CSMD2: variants seen among roughly 807,000 people sequenced by gnomAD.
CSMD2 encodes the protein CUB and sushi domain-containing protein 2.
In CSMD2, 130 loss-of-function variants were observed where a neutral mutation model predicts 398.5. That is an observed-to-expected ratio of 0.33 (90% CI 0.28 to 0.38). The LOEUF (loss-of-function observed/expected upper bound fraction) is 0.38. Ranked by LOEUF, CSMD2 falls within the 10% of genes least tolerant of loss-of-function variation. The pLI, the probability that CSMD2 is intolerant of heterozygous loss-of-function variation, is 1.00. For synonymous variants in CSMD2, 1,828 were observed against 1,908.5 expected, an observed-to-expected ratio of 0.96 and a Z score of 1.10; for missense variants, 3,829 against 4,764.9, an observed-to-expected ratio of 0.80 and a Z score of 5.78.
intron 5 of CSMD2, among the ~76,000 whole-genome samples, chr1:33,891,548 G>A (rs969335527): frequency 6.6e-6 from 1 of 151,436 alleles, no homozygotes; most frequent in African/African-American, 2.4e-5. Flanking sequence ...CTCATTACTG[G>A]GTATATACCC....
At chr1:33,971,855 C>A (rs1012078863) in intron 3 of CSMD2, among the ~76,000 whole-genome samples, 1 of 152,190 alleles carries the variant, frequency 6.6e-6, no homozygotes, top group African/African-American at 2.4e-5. Flanking sequence ...TCCTGTAAGT[C>A]TTCCAAAGAG....
intron 2 of CSMD2, among the ~76,000 whole-genome samples, chr1:34,046,771 C>T (rs963404074): frequency 6.6e-6 from 1 of 152,150 alleles, no homozygotes; most frequent in Non-Finnish European, 1.5e-5. Flanking sequence ...CCCTATTAAA[C>T]GCTATGTACT....
At position 33,540,665 on chromosome 1, in the gene CSMD2, T is replaced by C. The variant is rs769571705; in HGVS notation, c.9491A>G (p.Asn3164Ser). 53 of 1,613,944 alleles carry C rather than the reference T, an allele frequency of 3.3e-5. No homozygotes were observed. Among genetic ancestry groups the C allele is most frequent in the East Asian group, 1.3e-4 (6 of 44,884 alleles). ...LMCKPPPLIPNGKVVGSDFMW... is the reference protein window; with the variant it reads ...LMCKPPPLIPSGKVVGSDFMW... The stretch of plus-strand genomic sequence containing the variant: ...GAAGTCAGACCCCACCACCTTCCCA[T>C]TGGGGATGAGCGGAGGTGGCTTGCA... Residue 3164 changes from asparagine to serine, a missense_variant, in exon 60 of 71, where the codon AAT becomes AGT. Around this residue, in one of 5 missense-constraint regions of CSMD2, gnomAD observed 917 missense variants for 1,199.5 expected, o/e 0.76. Coordinates refer to ENST00000373381, the MANE Select transcript of CSMD2 (RefSeq NM_001281956.2).
chr1:34,165,032 T>TTCGCCG lies in CSMD2; in HGVS notation c.60_65dup (p.Gly21_Glu22insAspGly). 1 of 1,211,674 alleles carries TTCGCCG rather than the reference T, an allele frequency of 8.3e-7. No individual in the cohort carries two copies. The highest frequency in any genetic ancestry group is 1.0e-6 in the Non-Finnish European group (1 of 975,132). 75.1% of individuals were successfully genotyped at this position (1,211,674 alleles called of 1,614,324 possible). ...CCGGCACAAGCGCCGAAATCCCGGT[T>TTCGCCG]TCGCCGCGAGCCCTCCCCGCGGGGC... On this transcript the variant is annotated inframe_insertion, in exon 1 of 71. Transcript: ENST00000373381.
chr1:33,918,657 T>A (rs187507511), intron 4 of CSMD2, among the ~76,000 whole-genome samples: 8 of 152,194 alleles, frequency 5.3e-5, no homozygotes, highest in Admixed American at 6.5e-5. Flanking sequence ...GTAAAAAAGA[T>A]GAATAATATA....
chr1:33,586,446 A>C, intron 46 of CSMD2, 58 bp downstream of exon 46: 11 of 1,130,542 alleles, frequency 9.7e-6, no homozygotes, highest in Non-Finnish European at 1.3e-5. Context: ...GAGCAAAACA[A>C]GAGCTTTGTT....
chr1:33,556,986 T>G (rs1242297928), intron 55 of CSMD2, among the ~76,000 whole-genome samples: 1 of 152,206 alleles, frequency 6.6e-6, no homozygotes, highest in East Asian at 1.9e-4. Context: ...TGGGCAGTTC[T>G]TTATAGCAGT....
At chr1:34,063,784 A>G (rs1654796080) in intron 2 of CSMD2, among the ~76,000 whole-genome samples, 1 of 152,118 alleles carries the variant, frequency 6.6e-6, no homozygotes, top group Non-Finnish European at 1.5e-5. Flanking sequence ...CCGATCCCAC[A>G]TTTCCCTTCT....
chr1:33,897,761 C>T (rs1050769093), intron 5 of CSMD2, among the ~76,000 whole-genome samples: 24 of 152,314 alleles, frequency 1.6e-4, no homozygotes, highest in East Asian at 7.7e-4. Context: ...CCTCACTGAG[C>T]GTCTTTGAGG....
chr1:34,136,540 C>A (rs1032695540), intron 1 of CSMD2, among the ~76,000 whole-genome samples: 2 of 152,112 alleles, frequency 1.3e-5, no homozygotes, highest in Non-Finnish European at 2.9e-5. Context: ...GGGTTACAGG[C>A]CTGACATATC....
chr1:33,956,200 A>G (rs992832427), intron 3 of CSMD2, among the ~76,000 whole-genome samples: 10 of 143,606 alleles, frequency 7.0e-5, no homozygotes, highest in Non-Finnish European at 5.9e-5. Flanking sequence ...CCTAGAACTT[A>G]AAGTATTAAA....
chr1:34,062,596 A>C (rs921609051), intron 2 of CSMD2, among the ~76,000 whole-genome samples: 2 of 152,180 alleles, frequency 1.3e-5, no homozygotes, highest in Non-Finnish European at 2.9e-5. Flanking sequence ...AGAGATCCCA[A>C]GGTGAGGGTC....
chr1:33,867,166 G>A (rs1174893167), intron 5 of CSMD2, among the ~76,000 whole-genome samples: 1 of 152,196 alleles, frequency 6.6e-6, no homozygotes, highest in African/African-American at 2.4e-5. Context: ...CTTTGCTCTA[G>A]GGATTCTCCT....
intron 57 of CSMD2, 72 bp downstream of exon 57, chr1:33,545,965 G>A (rs150833798): frequency 2.1e-6 from 3 of 1,456,382 alleles, no homozygotes; most frequent in East Asian, 2.3e-5. Context: ...AGGTGCCTGG[G>A]AATAAGAGCA....
chr1:33,820,048 G>A (rs1255194192), intron 8 of CSMD2, among the ~76,000 whole-genome samples: 1 of 152,190 alleles, frequency 6.6e-6, no homozygotes, highest in African/African-American at 2.4e-5. Flanking sequence ...TTAGGATTGA[G>A]TTAAAAGGTG....
At chr1:33,605,673 A>G (rs183622913) in intron 41 of CSMD2, among the ~76,000 whole-genome samples, 1 of 152,338 alleles carries the variant, frequency 6.6e-6, no homozygotes, top group East Asian at 1.9e-4. Flanking sequence ...ACTAAGTAGG[A>G]TAACACATAC....
At chr1:33,717,490 C>G (rs1237287573) in intron 19 of CSMD2, among the ~76,000 whole-genome samples, 1 of 151,754 alleles carries the variant, frequency 6.6e-6, no homozygotes, top group African/African-American at 2.4e-5. Flanking sequence ...GGCACGTCCA[C>G]CTGAAGGATG....
intron 5 of CSMD2, chr1:33,868,982 G>C (rs1640246798): frequency 6.6e-6 from 1 of 152,348 alleles, no homozygotes; most frequent in Middle Eastern, 3.4e-3. Context: ...AGGGAAGCAA[G>C]TGCAAAGGTC....
intron 25 of CSMD2, among the ~76,000 whole-genome samples, chr1:33,673,735 G>A (rs1644598389): frequency 6.6e-6 from 1 of 152,196 alleles, no homozygotes; most frequent in South Asian, 2.1e-4. Flanking sequence ...CCCACAAAGG[G>A]AAGCCCATCA....
Sources: allele counts gnomAD v4.1 joint callset (sites outside exome capture counted in the v4.1 genomes callset), GRCh38; gene constraint gnomAD v4.1.1; regional missense constraint gnomAD v4.1.1; transcripts MANE v1.5; gene names NCBI Gene and HGNC (gene_info 2026-07-23, HGNC 2026-07-21).